GOLM2: variants seen among roughly 807,000 people sequenced by gnomAD.
GOLM2 encodes the protein golgi membrane protein 2, also known as protein GOLM2.
GOLM2 carries 26 observed loss-of-function variants against 55.9 expected under a neutral mutation model. The observed-to-expected ratio is 0.47, with a 90% CI of 0.34 to 0.65. The LOEUF is 0.65. GOLM2 is among the 30% of genes least tolerant of loss of function. GOLM2 has a pLI of 0.01. For synonymous variants in GOLM2, 165 were observed against 194.6 expected, an observed-to-expected ratio of 0.85 and a Z score of 1.27; for missense variants, 486 against 531.8, an observed-to-expected ratio of 0.91 and a Z score of 0.85.
intron 6 of GOLM2, among the ~76,000 whole-genome samples, chr15:44,363,806 A>G (rs1235335181): frequency 6.6e-6 from 1 of 151,702 alleles, no homozygotes; most frequent in African/African-American, 2.4e-5. Context: ...ATGTCCAACA[A>G]TGATAGACTG....
chr15:44,307,475 G>A (rs1164818505), intron 1 of GOLM2: 1 of 152,240 alleles, frequency 6.6e-6, no homozygotes, highest in African/African-American at 2.4e-5. Context: ...GCCTCCCAAA[G>A]TACTGGGATT....
At position 44,380,836 on chromosome 15, in the gene GOLM2, G is replaced by C. The variant is rs754216405; in HGVS notation, c.932G>C (p.Gly311Ala). The change falls in exon 8 of 10, where the codon GGT (glycine) becomes GCT (alanine). Residue 311 changes from glycine to alanine, a missense_variant. Transcript: ENST00000299957. Reference protein sequence around the residue: ...DSHINHNGNPGTSKQNPSSPL... With the variant: ...DSHINHNGNPATSKQNPSSPL... The stretch of plus-strand genomic sequence containing the variant: ...CACATAAACCACAATGGAAACCCCG[G>C]TACTTCAAAACAGAATCCTTCCAGT... The C allele has an allele frequency of 1.7e-5, 26 of 1,575,432 alleles. No individual in the cohort carries two copies. Among genetic ancestry groups the C allele is most frequent in the Non-Finnish European group, 2.2e-5 (26 of 1,160,966 alleles).
At chr15:44,320,695 C>T (rs1023836762) in intron 1 of GOLM2, among the ~76,000 whole-genome samples, 11 of 152,192 alleles carry the variant, frequency 7.2e-5, no homozygotes, top group African/African-American at 2.7e-4. Context: ...TCTTGCTTCA[C>T]CTAGAACATT....
chr15:44,302,146 A>AT lies in GOLM2; in HGVS notation c.327+12806dup, dbSNP rs374509457. On this transcript the variant is annotated intron_variant, in intron 1 of 9. Coordinates refer to ENST00000299957, the MANE Select transcript of GOLM2 (RefSeq NM_138423.4). ...TGATTGACTCTCTTTTTTACATTTA[A>AT]TTTTTTTTTTTTTTTTGAGATGGAG... Among the ~76,000 whole-genome samples the AT allele has an allele frequency of 5.5e-3, 773 of 141,112 alleles. 4 individuals carry two copies. Among genetic ancestry groups the AT allele is most frequent in the African/African-American group, 0.011 (440 of 38,474 alleles). The allele number at this position is 141,112 out of a possible 152,430, so 92.6% of individuals were successfully genotyped here.
intron 6 of GOLM2, among the ~76,000 whole-genome samples, chr15:44,344,937 G>A (rs1444208672): frequency 6.8e-6 from 1 of 147,744 alleles, no homozygotes; most frequent in African/African-American, 2.5e-5. Flanking sequence ...GCCACAAGTA[G>A]CTGGGACTAC....
intron 8 of GOLM2, among the ~76,000 whole-genome samples, chr15:44,390,815 C>G (rs959510866): frequency 6.6e-6 from 1 of 152,010 alleles, no homozygotes; most frequent in African/African-American, 2.4e-5. Flanking sequence ...GTGATCCGCC[C>G]GCCTCAGCCT....
chr15:44,346,531 A>G (rs966508232), intron 6 of GOLM2, among the ~76,000 whole-genome samples: 3 of 152,232 alleles, frequency 2.0e-5, no homozygotes, highest in Non-Finnish European at 4.4e-5. Flanking sequence ...TAAATTCATT[A>G]CATTTAGGTG....
intron 6 of GOLM2, among the ~76,000 whole-genome samples, chr15:44,374,683 G>A (rs908203519): frequency 6.6e-6 from 1 of 152,140 alleles, no homozygotes; most frequent in African/African-American, 2.4e-5. Flanking sequence ...GAGGAAGAAA[G>A]CAAAGGGGAA....
intron 8 of GOLM2, among the ~76,000 whole-genome samples, chr15:44,395,519 G>A (rs1418267842): frequency 2.0e-5 from 3 of 150,052 alleles, no homozygotes; most frequent in Non-Finnish European, 4.4e-5. Context: ...TTTTGAACGT[G>A]TTTCTATTTT....
intron 2 of GOLM2, among the ~76,000 whole-genome samples, chr15:44,328,180 T>G (rs1443810697): frequency 1.3e-5 from 2 of 152,172 alleles, no homozygotes; most frequent in African/African-American, 4.8e-5. Flanking sequence ...CTATATTTTT[T>G]AAAAAATAAA....
intron 1 of GOLM2, among the ~76,000 whole-genome samples, chr15:44,311,382 A>G (rs1034745525): frequency 7.2e-5 from 11 of 152,178 alleles, no homozygotes; most frequent in Non-Finnish European, 1.6e-4. Context: ...CATTCCAGGC[A>G]CCATAACTTT....
chr15:44,318,503 G>A (rs890122426), intron 1 of GOLM2, among the ~76,000 whole-genome samples: 2 of 152,204 alleles, frequency 1.3e-5, no homozygotes, highest in African/African-American at 2.4e-5. Context: ...GAAGTCAGGA[G>A]TTTGAGACCA....
chr15:44,366,468 A>T (rs1056053424), intron 6 of GOLM2, among the ~76,000 whole-genome samples: 10 of 151,370 alleles, frequency 6.6e-5, no homozygotes, highest in African/African-American at 2.2e-4. Flanking sequence ...ATAATATGAG[A>T]CAGAAAAATA....
At chr15:44,302,737 G>A (rs1005471910) in intron 1 of GOLM2, among the ~76,000 whole-genome samples, 17 of 151,576 alleles carry the variant, frequency 1.1e-4, no homozygotes, top group East Asian at 1.9e-4. Flanking sequence ...GTGATCTGCC[G>A]GCCTTGGCCT....
At chr15:44,332,198 T>C in intron 4 of GOLM2, 120 bp downstream of exon 4, 4 of 574,138 alleles carry the variant, frequency 7.0e-6, no homozygotes, top group Middle Eastern at 4.9e-4. Flanking sequence ...CCAGCCTAAT[T>C]CCAAAAGTGA....
chr15:44,388,102 C>G (rs1162531024), intron 8 of GOLM2, among the ~76,000 whole-genome samples: 1 of 150,906 alleles, frequency 6.6e-6, no homozygotes, highest in Admixed American at 6.6e-5. Flanking sequence ...ATGGTAAAAC[C>G]CCATCTCTAC....
chr15:44,379,551 A>C (rs2079387545), intron 6 of GOLM2, 139 bp from the exon 7 acceptor site: 1 of 620,968 alleles, frequency 1.6e-6, no homozygotes, highest in Non-Finnish European at 2.8e-6. Flanking sequence ...TTAGCATACC[A>C]ACTATAAGGA....
chr15:44,344,695 A>G (rs920924856), intron 6 of GOLM2, among the ~76,000 whole-genome samples: 3 of 151,950 alleles, frequency 2.0e-5, no homozygotes, highest in Non-Finnish European at 2.9e-5. Context: ...GACCCAAGCA[A>G]TCCTTCTGCC....
intron 6 of GOLM2, among the ~76,000 whole-genome samples, chr15:44,379,225 C>T (rs1007016037): frequency 2.0e-5 from 3 of 152,050 alleles, no homozygotes; most frequent in African/African-American, 7.2e-5. Flanking sequence ...ACCTATAATC[C>T]CAGCACTTTG....
Sources: allele counts gnomAD v4.1 joint callset (sites outside exome capture counted in the v4.1 genomes callset), GRCh38; gene constraint gnomAD v4.1.1; transcripts MANE v1.5; gene names NCBI Gene and HGNC (gene_info 2026-07-23, HGNC 2026-07-21).